PKD1L3: variants seen among roughly 807,000 people sequenced by gnomAD.
The protein encoded by PKD1L3 is polycystin-1-like protein 3.
In PKD1L3, 239 loss-of-function variants were observed where a neutral mutation model predicts 184.1. The ratio of observed to expected loss-of-function variants is 1.30; its 90% CI spans 1.17 to 1.45. The LOEUF is 1.45. Among genes scored for constraint, PKD1L3 ranks in the 40% most tolerant of loss-of-function variants. PKD1L3 has a pLI of 0.00. For synonymous variants in PKD1L3, 996 were observed against 778.8 expected, an observed-to-expected ratio of 1.28 and a Z score of -4.64; for missense variants, 2,660 against 2,067.2, an observed-to-expected ratio of 1.29 and a Z score of -5.56.
intron 4 of PKD1L3, 87 bp downstream of exon 4, chr16:71,990,191 ACT>A: frequency 8.8e-7 from 1 of 1,135,760 alleles, no homozygotes; most frequent in Non-Finnish European, 1.2e-6. Context: ...TATTCAGAAC[ACT>A]CTACAAGATA....
chr16:71,971,644 C>A (rs1169292246), intron 12 of PKD1L3, among the ~76,000 whole-genome samples: 1 of 152,206 alleles, frequency 6.6e-6, no homozygotes, highest in Non-Finnish European at 1.5e-5. Flanking sequence ...GTTTCCCTAA[C>A]AAGCAGCACT....
intron 2 of PKD1L3, among the ~76,000 whole-genome samples, chr16:71,997,270 G>C (rs1245334807): frequency 6.6e-6 from 1 of 151,592 alleles, no homozygotes; most frequent in Admixed American, 6.6e-5. Context: ...TTGCTCAGTT[G>C]TATGGTAGTT....
At position 71,967,187 on chromosome 16, in the gene PKD1L3, G is replaced by T; in HGVS notation, c.2415C>A (p.Asn805Lys). 6.4e-7 allele frequency: 1 copy of T among 1,551,732 alleles called. No homozygotes were observed. The stretch of plus-strand genomic sequence containing the variant: ...CATGCCAGAGCCGAAGGCTGTGCAG[G>T]TTCCCTAGAGAGGTCCAAGTGGTGA... ...FLLTTWTSLG[N>K]LHSLRLWHDN... Residue 805 changes from asparagine (N) to lysine (K), a missense_variant, in exon 15 of 30, where the codon AAC (asparagine) becomes AAA (lysine). Physicochemically the swap from Asn to Lys is moderately conservative, Grantham distance 94. Coordinates refer to ENST00000620267, the MANE Select transcript of PKD1L3 (RefSeq NM_181536.2).
intron 16 of PKD1L3, among the ~76,000 whole-genome samples, chr16:71,958,780 CAAAAAA>C (rs547912125): frequency 8.4e-4 from 55 of 65,104 alleles, no homozygotes; most frequent in South Asian, 5.4e-3. Context: ...GACTCTATCT[CAAAAAA>C]AAAAAAAAAA....
At chr16:71,970,743 G>C (rs886726710) in intron 12 of PKD1L3, among the ~76,000 whole-genome samples, 1 of 152,186 alleles carries the variant, frequency 6.6e-6, no homozygotes, top group Non-Finnish European at 1.5e-5. Flanking sequence ...GAGAGACAGA[G>C]GTTGCAGTGA....
At position 71,944,044 on chromosome 16, in the gene PKD1L3, G is replaced by C. The variant is rs2038464072; in HGVS notation, c.3845C>G (p.Thr1282Ser). 6.4e-7 allele frequency: 1 copy of C among 1,551,652 alleles called. No homozygotes were observed. The highest frequency in any genetic ancestry group is 8.7e-7 in the Non-Finnish European group (1 of 1,146,980). ...CCTCTCCATACCCAAAATATCTCCA[G>C]TCAGCTTGAAGAGTTTCTTCTTTTT... is the stretch of plus-strand genomic sequence containing the variant. ...TLKKKKLFKLTGDILVQILFL... is the reference protein window; with the variant it reads ...TLKKKKLFKLSGDILVQILFL... The change falls in exon 23 of 30, where the codon ACT becomes AGT. Residue 1282 changes from threonine (T) to serine (S), a missense_variant. Thr to Ser is a moderately conservative substitution (Grantham distance 58). Coordinates refer to ENST00000620267, the MANE Select transcript of PKD1L3 (RefSeq NM_181536.2).
intron 23 of PKD1L3, among the ~76,000 whole-genome samples, 171 bp downstream of exon 23, chr16:71,943,859 A>T (rs965339919): frequency 3.3e-5 from 5 of 152,226 alleles, no homozygotes; most frequent in African/African-American, 1.2e-4. Context: ...AAGGTCAGGG[A>T]TCTGTCCAGT....
intron 15 of PKD1L3, among the ~76,000 whole-genome samples, chr16:71,963,560 T>C (rs183529482): frequency 3.3e-5 from 5 of 152,336 alleles, no homozygotes; most frequent in Admixed American, 6.5e-5. Flanking sequence ...GGCAGGTGGA[T>C]TGCTTGAGCT....
chr16:71,994,455 G>A (rs192234639), intron 2 of PKD1L3, among the ~76,000 whole-genome samples: 20 of 152,200 alleles, frequency 1.3e-4, no homozygotes, highest in Middle Eastern at 6.8e-3. Flanking sequence ...CTTCTCTCAT[G>A]CTGCTACAAA....
At chr16:71,967,587 C>T (rs1180655142) in intron 14 of PKD1L3, among the ~76,000 whole-genome samples, 1 of 152,126 alleles carries the variant, frequency 6.6e-6, no homozygotes, top group African/African-American at 2.4e-5. Context: ...GCCTCAACCT[C>T]CTGAGTAGCT....
In PKD1L3 at chr16:71,935,466, ATG is replaced by A. The variant is rs761776441; in HGVS notation, c.4503_4504del (p.Ile1502SerfsTer9). ...AATGAGGATTATACTTGTGTCCAGA[ATG>A]TTTCTTTTCCCAGTGAAGAACCTCC... On this transcript the variant is annotated frameshift_variant, in exon 26 of 30. Transcript: ENST00000620267. LOFTEE classifies it high-confidence loss of function. 4 of 1,552,170 alleles carry A rather than the reference ATG, an allele frequency of 2.6e-6. No individual in the cohort carries two copies. The highest frequency in any genetic ancestry group is 3.5e-6 in the Non-Finnish European group (4 of 1,147,060).
chr16:71,973,783 C>T (rs763517100), intron 11 of PKD1L3, among the ~76,000 whole-genome samples: 1 of 152,086 alleles, frequency 6.6e-6, no homozygotes, highest in Non-Finnish European at 1.5e-5. Context: ...GGGCGGATCA[C>T]TTGAGGTCAG....
Position 71,950,200 on chromosome 16 carries a change from A to C in PKD1L3, c.3301T>G (p.Phe1101Val). The C allele has an allele frequency of 6.4e-7, 1 of 1,552,324 alleles. No individual in the cohort carries two copies. The change falls in exon 20 of 30, where the codon TTC (phenylalanine) becomes GTC (valine). Residue 1101 changes from phenylalanine to valine, a missense_variant. Physicochemically the swap from Phe to Val is conservative, Grantham distance 50. Coordinates refer to ENST00000620267, the MANE Select transcript of PKD1L3 (RefSeq NM_181536.2). ...TGAAGTTGGCTGGCTGCATCTAGGA[A>C]GTCACAGGACTGGTGACCCTGGGTG... ...GLTQGHQSCD[F>V]LDAASQLQKL...
intron 4 of PKD1L3, among the ~76,000 whole-genome samples, chr16:71,989,085 T>C (rs778366950): frequency 6.6e-6 from 1 of 152,210 alleles, no homozygotes; most frequent in Non-Finnish European, 1.5e-5. Context: ...CATATTTTTA[T>C]CTCTTTCAAT....
At chr16:71,940,207 C>A (rs1204698318) in intron 24 of PKD1L3, among the ~76,000 whole-genome samples, 1 of 152,094 alleles carries the variant, frequency 6.6e-6, no homozygotes. Flanking sequence ...CTTCTACCAC[C>A]CCATGACTAA....
intron 16 of PKD1L3, among the ~76,000 whole-genome samples, chr16:71,962,970 G>A (rs2039339762): frequency 6.6e-6 from 1 of 152,036 alleles, no homozygotes; most frequent in Non-Finnish European, 1.5e-5. Context: ...TAGGTAAACA[G>A]TTTCAGAAAA....
At chr16:71,996,355 G>T (rs751021559) in intron 2 of PKD1L3, among the ~76,000 whole-genome samples, 2 of 144,066 alleles carry the variant, frequency 1.4e-5, no homozygotes, top group African/African-American at 5.1e-5. Context: ...TCCGCCTCCC[G>T]GTTCAAGCGA....
Position 71,954,182 on chromosome 16 carries a change from G to A in PKD1L3, c.2732C>T (p.Thr911Ile). The change falls in exon 17 of 30, where the codon ACA becomes ATA. Residue 911 changes from threonine (T) to isoleucine (I), a missense_variant. By Grantham distance (89) the Thr-to-Ile change is moderately conservative. Coordinates refer to ENST00000620267, the MANE Select transcript of PKD1L3 (RefSeq NM_181536.2). ...TRVQRLSCCM[T>I]LLLCNMVINV... ...GATGACCATGTTGCAGAGTAGCAGT[G>A]TCATGCAGCAAGACAGCCGTTGGAC... 1 of 1,551,824 alleles carries A rather than the reference G, an allele frequency of 6.4e-7. No individual in the cohort carries two copies. The highest frequency in any genetic ancestry group is 2.4e-5 in the East Asian group (1 of 40,878).
intron 6 of PKD1L3, among the ~76,000 whole-genome samples, chr16:71,983,812 C>T (rs896569794): frequency 2.0e-5 from 3 of 151,032 alleles, no homozygotes; most frequent in East Asian, 3.9e-4. Flanking sequence ...TACAGGTGCC[C>T]GCCACCGAGC....
Sources: gnomAD v4.1 joint callset for allele counts (sites outside exome capture counted in the v4.1 genomes callset) on GRCh38, gnomAD v4.1.1 for gene constraint, MANE v1.5 for transcripts, NCBI Gene and HGNC (gene_info 2026-07-23, HGNC 2026-07-21) for gene names.